Variants in CCBE1 observed in about 807,000 individuals in gnomAD.
CCBE1 encodes the protein collagen and calcium binding EGF domains 1, also known as collagen and calcium-binding EGF domain-containing protein 1.
CCBE1 carries 37 observed loss-of-function variants against 50.0 expected under a neutral mutation model. The observed-to-expected ratio is 0.74, with a 90% confidence interval of 0.57 to 0.97. CCBE1 has a LOEUF of 0.97. Ranked by LOEUF, CCBE1 falls within the 50% of genes least tolerant of loss-of-function variation. The pLI, the probability that CCBE1 is intolerant of heterozygous loss-of-function variation, is 0.00. For missense variants in CCBE1, 538 were observed against 523.8 expected (o/e 1.03, Z -0.26); for synonymous variants, 234 against 203.7 (o/e 1.15, Z -1.27).
intron 2 of CCBE1, among the ~76,000 whole-genome samples, chr18:59,516,692 T>G (rs543071190): frequency 6.6e-6 from 1 of 152,340 alleles, no homozygotes; most frequent in African/African-American, 2.4e-5. Context: ...ACTAAGTTTC[T>G]ATTTAATTGG....
chr18:59,566,994 C>A (rs1487920006), intron 2 of CCBE1, among the ~76,000 whole-genome samples: 1 of 152,218 alleles, frequency 6.6e-6, no homozygotes, highest in African/African-American at 2.4e-5. Context: ...GACCACAAAT[C>A]ATTCTGCAGA....
Position 59,579,311 on chromosome 18 carries a change from A to G in CCBE1, c.213-99073T>C, listed in dbSNP as rs540807583. ...AATTCACAGTTCCATATATGTGCAG[A>G]CAGGACGTGGATCATGCACCTGACA... is the stretch of plus-strand genomic sequence containing the variant. On this transcript the variant is annotated intron_variant, in intron 2 of 10. Coordinates refer to ENST00000439986, the MANE Select transcript of CCBE1 (RefSeq NM_133459.4). 3.3e-5 allele frequency among the ~76,000 whole-genome samples: 5 copies of G among 152,286 alleles called. No homozygotes were observed. The East Asian group carries it at 9.7e-4, about 29-fold the overall frequency.
intron 2 of CCBE1, among the ~76,000 whole-genome samples, chr18:59,592,343 T>C (rs1022785431): frequency 1.3e-5 from 2 of 152,216 alleles, no homozygotes; most frequent in East Asian, 1.9e-4. Flanking sequence ...TCTCATTATG[T>C]ATATACAAGT....
Position 59,451,597 on chromosome 18 carries a change from G to A in CCBE1, c.654+3254C>T, listed in dbSNP as rs148314433. Among the ~76,000 whole-genome samples the A allele has an allele frequency of 9.8e-3, 1,486 of 152,206 alleles. 14 individuals carry two copies. The highest frequency in any genetic ancestry group is 0.025 in the South Asian group (118 of 4,812). The stretch of plus-strand genomic sequence containing the variant: ...GTTTTCTTCCCACACCACAGAAGAA[G>A]TGGTGGAGGTGGAGGCACTGAGGTC... On this transcript the variant is annotated intron_variant, in intron 6 of 10. Transcript: ENST00000439986.
chr18:59,551,048 A>G (rs1915911003), intron 2 of CCBE1, among the ~76,000 whole-genome samples: 1 of 149,924 alleles, frequency 6.7e-6, no homozygotes, highest in Admixed American at 7.1e-5. Flanking sequence ...AAGAAAAGAA[A>G]AAAAAGAAAA....
At chr18:59,448,698 T>G (rs188992439) in intron 6 of CCBE1, among the ~76,000 whole-genome samples, 2 of 152,342 alleles carry the variant, frequency 1.3e-5, no homozygotes, top group East Asian at 1.9e-4. Flanking sequence ...TAAACTCCCT[T>G]TCATATACAC....
intron 2 of CCBE1, among the ~76,000 whole-genome samples, chr18:59,630,795 G>A (rs1016760388): frequency 2.6e-5 from 4 of 152,148 alleles, no homozygotes; most frequent in African/African-American, 9.7e-5. Context: ...CCTACACAAT[G>A]TATCTTTGAT....
chr18:59,684,551 C>T (rs1201561291), intron 2 of CCBE1, among the ~76,000 whole-genome samples: 2 of 152,238 alleles, frequency 1.3e-5, no homozygotes. Context: ...TTATGAACCA[C>T]TTTGTGTTTT....
intron 2 of CCBE1, among the ~76,000 whole-genome samples, chr18:59,488,286 T>A (rs756662182): frequency 7.2e-5 from 11 of 152,108 alleles, no homozygotes; most frequent in Non-Finnish European, 1.2e-4. Context: ...TGCAGAACAA[T>A]GTGAAAGTAT....
intron 2 of CCBE1, among the ~76,000 whole-genome samples, chr18:59,678,029 C>T (rs1224528679): frequency 6.6e-6 from 1 of 152,170 alleles, no homozygotes; most frequent in Non-Finnish European, 1.5e-5. Flanking sequence ...CAAACGGCAA[C>T]ACAACCATAC....
At chr18:59,637,519 T>A (rs976178233) in intron 2 of CCBE1, among the ~76,000 whole-genome samples, 1 of 151,940 alleles carries the variant, frequency 6.6e-6, no homozygotes. Flanking sequence ...GATAAAGAAG[T>A]AGCATAAAGA....
intron 2 of CCBE1, among the ~76,000 whole-genome samples, chr18:59,621,241 G>T (rs1234779173): frequency 6.6e-6 from 1 of 152,210 alleles, no homozygotes; most frequent in East Asian, 1.9e-4. Flanking sequence ...ACACCAAGGA[G>T]GTGAAAGAGT....
At chr18:59,544,453 C>T (rs1406223329) in intron 2 of CCBE1, among the ~76,000 whole-genome samples, 5 of 152,176 alleles carry the variant, frequency 3.3e-5, no homozygotes, top group Admixed American at 3.3e-4. Context: ...GATTTTATAC[C>T]ATCCTGCAAA....
chr18:59,564,588 A>G (rs911097405), intron 2 of CCBE1, among the ~76,000 whole-genome samples: 1 of 152,232 alleles, frequency 6.6e-6, no homozygotes, highest in Non-Finnish European at 1.5e-5. Flanking sequence ...TCTATTACTA[A>G]CTGGCTTGTA....
intron 2 of CCBE1, among the ~76,000 whole-genome samples, chr18:59,673,638 T>C (rs113768483): frequency 2.0e-4 from 31 of 151,716 alleles, no homozygotes; most frequent in Middle Eastern, 3.4e-3. Flanking sequence ...TTATGGAGAG[T>C]TTTTTAACAT....
Position 59,436,073 on chromosome 18 carries a change from C to A in CCBE1, c.1056G>T (p.Leu352=). Residue 352 remains leucine, a synonymous_variant, in exon 11 of 11, where the codon CTG becomes CTT. Coordinates refer to ENST00000439986, the MANE Select transcript of CCBE1 (RefSeq NM_133459.4). ...LADIRNDITE[L]QEKVFGHRTH... is the part of the protein sequence containing the mutation. Reference sequence around the variant, plus strand: ...TCCGGTGCCCGAACACCTTTTCCTGCAGCTCAGTGATGTCATTGCGGATGT... The same window carrying A: ...TCCGGTGCCCGAACACCTTTTCCTGAAGCTCAGTGATGTCATTGCGGATGT... The A allele has an allele frequency of 1.9e-6, 3 of 1,614,208 alleles. No individual in the cohort carries two copies. The highest frequency in any genetic ancestry group is 2.5e-6 in the Non-Finnish European group (3 of 1,180,036).
rs140653790 is a variant in CCBE1 at position 59,683,726 on chromosome 18, A to G, written c.212+12903T>C. 8.7e-3 allele frequency among the ~76,000 whole-genome samples: 1,320 copies of G among 152,080 alleles called. 20 individuals carry two copies. Among genetic ancestry groups the G allele is most frequent in the Middle Eastern group, 0.01 (3 of 294 alleles). On this transcript the variant is annotated intron_variant, in intron 2 of 10. Coordinates refer to ENST00000439986, the MANE Select transcript of CCBE1 (RefSeq NM_133459.4). ...AAAAGAGAGGAAAGAAAGGAAAAAG[A>G]AAGGAAAGAAAGCAAGCCAAGGAAG...
intron 2 of CCBE1, among the ~76,000 whole-genome samples, chr18:59,590,469 C>T (rs1358273170): frequency 6.6e-6 from 1 of 152,108 alleles, no homozygotes; most frequent in Non-Finnish European, 1.5e-5. Flanking sequence ...AATAAAATTA[C>T]AAACTCCAAA....
chr18:59,568,866 C>T (rs562052734), intron 2 of CCBE1, among the ~76,000 whole-genome samples: 42 of 152,268 alleles, frequency 2.8e-4, no homozygotes, highest in African/African-American at 9.6e-4. Context: ...CTGATTCACA[C>T]GTAAAGGACA....
Sources: allele counts gnomAD v4.1 joint callset (sites outside exome capture counted in the v4.1 genomes callset), GRCh38; gene constraint gnomAD v4.1.1; transcripts MANE v1.5; gene names NCBI Gene and HGNC (gene_info 2026-07-23, HGNC 2026-07-21).